Variants in YME1L1 observed in about 807,000 individuals in gnomAD.
The protein encoded by YME1L1 is YME1 like 1 ATPase, also known as ATP-dependent zinc metalloprotease YME1L1.
A neutral mutation model predicts 90.4 loss-of-function variants in YME1L1; 39 were observed. The observed-to-expected ratio is 0.43, with a 90% confidence interval of 0.33 to 0.56. The LOEUF is 0.56. Ranked by LOEUF, YME1L1 falls within the 20% of genes least tolerant of loss-of-function variation. YME1L1 has a pLI of 0.03. For missense variants in YME1L1, 617 were observed against 868.4 expected, an observed-to-expected ratio of 0.71 and a Z score of 3.64; for synonymous variants, 284 against 287.3, an observed-to-expected ratio of 0.99 and a Z score of 0.12.
In YME1L1 at chr10:27,145,594, T is replaced by C. The variant is rs773530003; in HGVS notation, c.169-4A>G. The C allele has an allele frequency of 6.2e-7, 1 of 1,610,246 alleles. No individual in the cohort carries two copies. Among genetic ancestry groups the C allele is most frequent in the Non-Finnish European group, 8.5e-7 (1 of 1,177,626 alleles). ...GGTCCCTTAAGTTAAGTGAAGGCTGTAAAAGATTGGGTCAACCAGGTATGC... is the reference window on the plus strand; with the variant it reads ...GGTCCCTTAAGTTAAGTGAAGGCTGCAAAAGATTGGGTCAACCAGGTATGC... On this transcript the variant is annotated splice_region_variant and splice_polypyrimidine_tract_variant and intron_variant, in intron 2 of 18. Transcript: ENST00000376016.
chr10:27,130,959 G>A (rs1336704365), intron 8 of YME1L1, among the ~76,000 whole-genome samples: 1 of 152,148 alleles, frequency 6.6e-6, no homozygotes, highest in Admixed American at 6.5e-5. Context: ...TACACCCTAC[G>A]TTCCAATAAG....
intron 1 of YME1L1, among the ~76,000 whole-genome samples, chr10:27,153,613 C>T (rs1476525061): frequency 6.6e-6 from 1 of 152,108 alleles, no homozygotes; most frequent in Non-Finnish European, 1.5e-5. Flanking sequence ...GAGGCTGAAT[C>T]AAAATTTTAA....
chr10:27,132,199 C>G (rs965869943), intron 7 of YME1L1, among the ~76,000 whole-genome samples: 1 of 152,118 alleles, frequency 6.6e-6, no homozygotes, highest in African/African-American at 2.4e-5. Flanking sequence ...CTCCCAGGTT[C>G]AAGCGATTCT....
At chr10:27,119,173 T>C in intron 14 of YME1L1, 121 bp downstream of exon 14, 1 of 1,027,538 alleles carries the variant, frequency 9.7e-7, no homozygotes, top group Non-Finnish European at 1.3e-6. Context: ...ACTGAAGTTT[T>C]AGAGTAAGAT....
chr10:27,114,731 G>A, intron 17 of YME1L1, 124 bp from the exon 18 acceptor site: 1 of 655,358 alleles, frequency 1.5e-6, no homozygotes, highest in Non-Finnish European at 2.4e-6. Context: ...AAGTACAATA[G>A]AAAACTGCAT....
At chr10:27,113,861 A>G (rs1197980236) in intron 18 of YME1L1, among the ~76,000 whole-genome samples, 1 of 151,372 alleles carries the variant, frequency 6.6e-6, no homozygotes, top group African/African-American at 2.4e-5. Context: ...AAAACCAACA[A>G]TAAAACACCT....
At chr10:27,112,387 T>G (rs750241761) in intron 18 of YME1L1, among the ~76,000 whole-genome samples, 91 of 152,328 alleles carry the variant, frequency 6.0e-4, no homozygotes, top group Non-Finnish European at 1.3e-3. Context: ...TTCTGTATCC[T>G]TAACTACTCT....
chr10:27,153,938 GTCTC>G (rs57837618), intron 1 of YME1L1, among the ~76,000 whole-genome samples: 13,254 of 152,110 alleles, frequency 0.087, 741 homozygotes, highest in East Asian at 0.28. Flanking sequence ...ATAAGCCAGG[GTCTC>G]TCTCTATCAC....
chr10:27,128,819 G>C (rs760694428), intron 8 of YME1L1, among the ~76,000 whole-genome samples: 2 of 152,054 alleles, frequency 1.3e-5, no homozygotes, highest in Non-Finnish European at 2.9e-5. Context: ...TGAGGCGGGA[G>C]GATGGCTGGA....
chr10:27,125,370 G>C (rs766730572), intron 9 of YME1L1, among the ~76,000 whole-genome samples: 4 of 143,148 alleles, frequency 2.8e-5, no homozygotes, highest in African/African-American at 7.7e-5. Context: ...AATTAGGCAA[G>C]TACTCTTTGC....
intron 8 of YME1L1, among the ~76,000 whole-genome samples, chr10:27,127,924 G>A (rs1441624170): frequency 6.6e-6 from 1 of 152,122 alleles, no homozygotes; most frequent in Non-Finnish European, 1.5e-5. Context: ...TGTACTAAAA[G>A]AAGACTAAAA....
Position 27,148,903 on chromosome 10 carries a change from T to TA in YME1L1, c.168+2dup. ...TTCTCACACAACCAGGATAAAGACT[T>TA]ACCTCACTGCTGGGAGCCTCATGCT... On this transcript the variant is annotated splice_region_variant and intron_variant, in intron 2 of 18. Transcript: ENST00000376016. 6.2e-7 allele frequency: 1 copy of TA among 1,613,730 alleles called. No homozygotes were observed. Among genetic ancestry groups the TA allele is most frequent in the Non-Finnish European group, 8.5e-7 (1 of 1,179,956 alleles).
chr10:27,143,107 C>T (rs189852583), intron 3 of YME1L1, among the ~76,000 whole-genome samples: 128 of 152,032 alleles, frequency 8.4e-4, no homozygotes, highest in Non-Finnish European at 9.3e-4. Context: ...TGGTGGCTCA[C>T]GCCTGTAATT....
intron 4 of YME1L1, among the ~76,000 whole-genome samples, chr10:27,136,709 T>TTATG (rs2135881126): frequency 7.0e-5 from 1 of 14,238 alleles, no homozygotes; most frequent in Non-Finnish European, 4.6e-4. Flanking sequence ...CTTTATTTAT[T>TTATG]TATTTATTTA....
intron 4 of YME1L1, among the ~76,000 whole-genome samples, chr10:27,139,708 T>C (rs78175736): frequency 0.017 from 2,601 of 152,272 alleles, 143 homozygotes; most frequent in East Asian, 0.16. Context: ...GTTAATTAAT[T>C]GCTTAGACAA....
chr10:27,148,199 ATATT>A (rs60147959), intron 2 of YME1L1, among the ~76,000 whole-genome samples: 44 of 150,662 alleles, frequency 2.9e-4, no homozygotes, highest in African/African-American at 9.3e-4. Flanking sequence ...TTACATTTTT[ATATT>A]TATTTATTTA....
At chr10:27,141,988 T>C (rs1057256200) in intron 4 of YME1L1, among the ~76,000 whole-genome samples, 2 of 152,218 alleles carry the variant, frequency 1.3e-5, no homozygotes, top group Non-Finnish European at 2.9e-5. Context: ...ATGTCACTTA[T>C]TTTACAACTT....
intron 3 of YME1L1, among the ~76,000 whole-genome samples, chr10:27,144,460 C>T (rs2135896233): frequency 6.6e-6 from 1 of 152,286 alleles, no homozygotes; most frequent in East Asian, 1.9e-4. Context: ...GTCAAACCTG[C>T]TATTTTGTTC....
intron 12 of YME1L1, among the ~76,000 whole-genome samples, chr10:27,121,039 TATAACAA>T (rs570271641): frequency 6.3e-4 from 96 of 152,338 alleles, no homozygotes; most frequent in African/African-American, 2.1e-3. Flanking sequence ...TTTTGTGACA[TATAACAA>T]ATAAATATTT....
Sources: gnomAD v4.1 joint callset for allele counts (sites outside exome capture counted in the v4.1 genomes callset) on GRCh38, gnomAD v4.1.1 for gene constraint, MANE v1.5 for transcripts, NCBI Gene and HGNC (gene_info 2026-07-23, HGNC 2026-07-21) for gene names.